The following CTNNA3 variants were observed in gnomAD, a reference collection of about 807,000 sequenced individuals.
The protein encoded by CTNNA3 is catenin alpha 3, also known as catenin alpha-3.
A neutral mutation model predicts 95.7 loss-of-function variants in CTNNA3; 76 were observed. That is an observed-to-expected ratio of 0.79 (90% CI 0.66 to 0.96). The LOEUF (loss-of-function observed/expected upper bound fraction) is 0.96. CTNNA3 is among the 40% of genes least tolerant of loss of function. The probability of loss-of-function intolerance (pLI) is 0.00; values close to 1 mark genes in which losing one functional copy is unlikely to be tolerated. For missense variants in CTNNA3, 1,191 were observed against 1,089.8 expected, an observed-to-expected ratio of 1.09 and a Z score of -1.31; for synonymous variants, 431 against 374.4, an observed-to-expected ratio of 1.15 and a Z score of -1.74.
At chr10:66,159,625 T>TG (rs2084739250) in intron 13 of CTNNA3, among the ~76,000 whole-genome samples, 2 of 131,556 alleles carry the variant, frequency 1.5e-5, no homozygotes, top group Admixed American at 8.0e-5. Context: ...TTTTGTTTTC[T>TG]GTTTTTTTTT....
intron 11 of CTNNA3, among the ~76,000 whole-genome samples, chr10:66,508,224 T>A (rs1213836518): frequency 1.3e-5 from 2 of 149,166 alleles, no homozygotes; most frequent in Non-Finnish European, 3.0e-5. Flanking sequence ...TTTTTTTTTT[T>A]AACAATTTCG....
intron 7 of CTNNA3, among the ~76,000 whole-genome samples, chr10:67,081,565 A>T (rs1857056674): frequency 6.6e-6 from 1 of 152,094 alleles, no homozygotes; most frequent in East Asian, 1.9e-4. Flanking sequence ...AACCCTATTG[A>T]TAGTATCTGA....
chr10:67,758,639 A>G (rs1004238232), intron 1 of CTNNA3, among the ~76,000 whole-genome samples: 1 of 152,050 alleles, frequency 6.6e-6, no homozygotes, highest in South Asian at 2.1e-4. Flanking sequence ...CTTTATAAAA[A>G]CCGCACTACA....
At chr10:67,031,012 T>A (rs970299689) in intron 7 of CTNNA3, among the ~76,000 whole-genome samples, 21 of 151,944 alleles carry the variant, frequency 1.4e-4, no homozygotes, top group South Asian at 2.1e-4. Flanking sequence ...CTCAAAAAAA[T>A]AAATAAATAA....
chr10:66,478,358 T>C (rs1210449793), intron 11 of CTNNA3, among the ~76,000 whole-genome samples: 1 of 152,028 alleles, frequency 6.6e-6, no homozygotes, highest in African/African-American at 2.4e-5. Flanking sequence ...CACTTGAAAA[T>C]ATTTAATCAG....
At chr10:67,516,858 G>A (rs950893261) in intron 5 of CTNNA3, among the ~76,000 whole-genome samples, 5 of 152,172 alleles carry the variant, frequency 3.3e-5, no homozygotes, top group Non-Finnish European at 5.9e-5. Flanking sequence ...TACAGTATGT[G>A]TATTTCTGTG....
At chr10:67,325,022 G>T (rs952128775) in intron 5 of CTNNA3, among the ~76,000 whole-genome samples, 7 of 152,210 alleles carry the variant, frequency 4.6e-5, no homozygotes, top group African/African-American at 1.7e-4. Context: ...TAGTTTATGT[G>T]CTTAGAGGTC....
intron 5 of CTNNA3, among the ~76,000 whole-genome samples, chr10:67,318,441 C>CACAGAATCAA (rs1400350607): frequency 3.3e-5 from 5 of 152,136 alleles, no homozygotes; most frequent in Admixed American, 3.3e-4. Context: ...GTTGGGGGCT[C>CACAGAATCAA]ACAGAATCAA....
In CTNNA3 at chr10:67,278,691, G is replaced by T. The variant is rs577797303; in HGVS notation, c.580-58821C>A. Among the ~76,000 whole-genome samples the T allele has an allele frequency of 5.9e-5, 9 of 152,294 alleles. No individual in the cohort carries two copies. In the East Asian group the frequency reaches 1.7e-3, roughly 29 times the overall value. ...GTTGACTGCCTCCTGGATCTAGAAA[G>T]AAAGGAAGGAAAACGAAGGGGGAAG... is the stretch of plus-strand genomic sequence containing the variant. On this transcript the variant is annotated intron_variant, in intron 5 of 17. Transcript: ENST00000433211.
At chr10:66,403,562 T>G (rs570782947) in intron 11 of CTNNA3, among the ~76,000 whole-genome samples, 7 of 152,218 alleles carry the variant, frequency 4.6e-5, no homozygotes, top group African/African-American at 1.7e-4. Context: ...GCCCCCATGA[T>G]CCAATCACCT....
chr10:65,990,833 C>T (rs1044384364), intron 15 of CTNNA3, among the ~76,000 whole-genome samples: 13 of 151,854 alleles, frequency 8.6e-5, no homozygotes, highest in East Asian at 1.9e-4. Context: ...ATAAAATCTT[C>T]GTCTAGACCA....
intron 5 of CTNNA3, among the ~76,000 whole-genome samples, chr10:67,355,609 T>C (rs1842781591): frequency 6.6e-6 from 1 of 151,216 alleles, no homozygotes; most frequent in Non-Finnish European, 1.5e-5. Flanking sequence ...TAAATCAGCC[T>C]GACAAGAAGT....
intron 7 of CTNNA3, among the ~76,000 whole-genome samples, chr10:67,018,868 G>C (rs1852817301): frequency 6.6e-6 from 1 of 152,236 alleles, no homozygotes; most frequent in South Asian, 2.1e-4. Context: ...AGAGACGCCA[G>C]TCAATGTGTT....
chr10:66,786,234 C>G (rs554728567), intron 7 of CTNNA3, among the ~76,000 whole-genome samples: 2 of 152,206 alleles, frequency 1.3e-5, no homozygotes, highest in African/African-American at 2.4e-5. Flanking sequence ...CTTTAATATA[C>G]TCTCCTCAAA....
At chr10:66,171,560 T>C (rs72795358) in intron 13 of CTNNA3, among the ~76,000 whole-genome samples, 1 of 150,832 alleles carries the variant, frequency 6.6e-6, no homozygotes, top group African/African-American at 2.4e-5. Flanking sequence ...AAAAAAAAAA[T>C]TTAATATAAA....
At position 67,612,682 on chromosome 10, in the gene CTNNA3, C is replaced by A. The variant is rs367669360; in HGVS notation, c.100-5633G>T. Among the ~76,000 whole-genome samples, 269 of 152,176 alleles carry A rather than the reference C, an allele frequency of 1.8e-3. 2 individuals are homozygous for A. Among genetic ancestry groups the A allele is most frequent in the Non-Finnish European group, 3.2e-3 (220 of 67,984 alleles). ...ACACAGCATGCCCAAAGTAGAGAAG[C>A]CTTTGCCCATCAACCTGCCTCTCCA... On this transcript the variant is annotated intron_variant, in intron 2 of 17. Coordinates refer to ENST00000433211, the MANE Select transcript of CTNNA3 (RefSeq NM_013266.4).
intron 9 of CTNNA3, among the ~76,000 whole-genome samples, chr10:66,664,155 T>C: frequency 6.6e-6 from 1 of 152,118 alleles, no homozygotes; most frequent in Non-Finnish European, 1.5e-5. Context: ...GATTAATCTT[T>C]ATTCTGTGTC....
chr10:67,592,636 C>A (rs374794543), intron 3 of CTNNA3, among the ~76,000 whole-genome samples: 1 of 151,962 alleles, frequency 6.6e-6, no homozygotes, highest in Non-Finnish European at 1.5e-5. Context: ...CTCCAACTTG[C>A]TTTAAAAAAG....
intron 13 of CTNNA3, among the ~76,000 whole-genome samples, chr10:66,263,814 C>T (rs7921014): frequency 0.47 from 70,848 of 151,712 alleles, 17,933 homozygotes; most frequent in African/African-American, 0.68. Flanking sequence ...ACATTACCTA[C>T]TTGATCATCT....
Sources: gnomAD v4.1 joint callset for allele counts (sites outside exome capture counted in the v4.1 genomes callset) on GRCh38, gnomAD v4.1.1 for gene constraint, MANE v1.5 for transcripts, NCBI Gene and HGNC (gene_info 2026-07-23, HGNC 2026-07-21) for gene names.